Variants in LAMA1 observed in about 807,000 individuals in gnomAD.
LAMA1 encodes laminin subunit alpha 1, also known as laminin subunit alpha-1.
In LAMA1, 219 loss-of-function variants were observed where a neutral mutation model predicts 348.7. The observed-to-expected ratio is 0.63, with a 90% CI of 0.56 to 0.70. LAMA1 has a LOEUF of 0.70. Among genes scored for constraint, LAMA1 ranks in the 30% least tolerant of loss-of-function variants. The pLI is 0.00. For missense variants in LAMA1, 3,744 were observed against 3,888.0 expected, an observed-to-expected ratio of 0.96 and a Z score of 0.99; for synonymous variants, 1,487 against 1,491.0, an observed-to-expected ratio of 1.00 and a Z score of 0.06.
At chr18:7,040,779 G>T (rs2058017040) in intron 9 of LAMA1, among the ~76,000 whole-genome samples, 1 of 152,060 alleles carries the variant, frequency 6.6e-6, no homozygotes, top group African/African-American at 2.4e-5. Context: ...TATGAAACAT[G>T]GTATGTCCAT....
At chr18:7,001,601 C>T (rs1376047457) in intron 30 of LAMA1, among the ~76,000 whole-genome samples, 2 of 152,132 alleles carry the variant, frequency 1.3e-5, no homozygotes, top group South Asian at 2.1e-4. Context: ...AAAAGGAATA[C>T]TTCATTGCAG....
intron 30 of LAMA1, 65 bp from the exon 31 acceptor site, chr18:7,000,062 T>C (rs1301638155): frequency 1.0e-5 from 12 of 1,164,372 alleles, no homozygotes; most frequent in East Asian, 7.3e-5. Context: ...TTAAGGTACT[T>C]ATTCATTACT....
chr18:7,106,268 T>A (rs867164335), intron 1 of LAMA1, among the ~76,000 whole-genome samples: 1 of 152,256 alleles, frequency 6.6e-6, no homozygotes, highest in Non-Finnish European at 1.5e-5. Context: ...CCTGCCTCCT[T>A]GCATTGCTGT....
chr18:6,997,769 G>C lies in LAMA1; in HGVS notation c.4779C>G (p.Asn1593Lys). 1.2e-6 allele frequency: 2 copies of C among 1,613,994 alleles called. No individual in the cohort carries two copies. The highest frequency in any genetic ancestry group is 1.7e-6 in the Non-Finnish European group (2 of 1,179,912). Residue 1593 changes from asparagine to lysine, a missense_variant, in exon 33 of 63, where the codon AAC (asparagine) becomes AAG (lysine). Asn to Lys is a moderately conservative substitution (Grantham distance 94). Coordinates refer to ENST00000389658, the MANE Select transcript of LAMA1 (RefSeq NM_005559.4). ...GGAGATATTTAGTTGTATTTTCCAG[G>C]TTTGACAAAATTCCATATGGGACAG... is the stretch of plus-strand genomic sequence containing the variant. Reference protein sequence around the residue: ...IIPVPYGILSNLENTTKYLQE... With the variant: ...IIPVPYGILSKLENTTKYLQE...
At chr18:6,995,237 G>C (rs949339978) in intron 34 of LAMA1, 120 bp downstream of exon 34, 6 of 764,058 alleles carry the variant, frequency 7.9e-6, no homozygotes, top group African/African-American at 6.8e-5. Flanking sequence ...AGCACAGCTC[G>C]TGGGAGGAAG....
chr18:7,007,043 T>C (rs1055846284), intron 29 of LAMA1, 96 bp downstream of exon 29: 38 of 1,538,924 alleles, frequency 2.5e-5, no homozygotes, highest in Non-Finnish European at 3.3e-5. Context: ...AACCTCTCAC[T>C]AAACCAAGGC....
chr18:6,961,996 G>T lies in LAMA1; in HGVS notation c.7401C>A (p.Thr2467=), dbSNP rs1430997554. The stretch of plus-strand genomic sequence containing the variant: ...CATAGGAATTTCTGAGTAAGTCAAA[G>T]GTTGATCTGGATATTTCCAGGTTCT... ...CIKNLEISRS[T]FDLLRNSYGV... The change falls in exon 52 of 63, where the codon ACC becomes ACA. Residue 2467 remains threonine (T), a synonymous_variant. Coordinates refer to ENST00000389658, the MANE Select transcript of LAMA1 (RefSeq NM_005559.4). 6.2e-7 allele frequency: 1 copy of T among 1,614,218 alleles called. No homozygotes were observed. The highest frequency in any genetic ancestry group is 8.5e-7 in the Non-Finnish European group (1 of 1,180,042).
At chr18:6,956,505 ACAGCTCCAGCTC>A (rs11270496) in intron 56 of LAMA1, 119 bp downstream of exon 56, 352,283 of 1,466,626 alleles carry the variant, frequency 0.24, 44,526 homozygotes, top group African/African-American at 0.37. Flanking sequence ...GATTTTTAGC[ACAGCTCCAGCTC>A]CAGCTCCAGC....
At chr18:7,067,537 T>C (rs2058127572) in intron 3 of LAMA1, among the ~76,000 whole-genome samples, 1 of 151,702 alleles carries the variant, frequency 6.6e-6, no homozygotes, top group Non-Finnish European at 1.5e-5. Context: ...AAGTGGGGAA[T>C]TGGCTGGGAA....
chr18:6,956,885 G>A, intron 55 of LAMA1, 120 bp from the exon 56 acceptor site: 1 of 1,130,698 alleles, frequency 8.8e-7, no homozygotes, highest in African/African-American at 1.5e-5. Flanking sequence ...ATTTCTCTTA[G>A]AGTAACCAAA....
chr18:7,009,421 TA>T, intron 26 of LAMA1, 55 bp from the exon 27 acceptor site: 1 of 1,574,018 alleles, frequency 6.4e-7, no homozygotes, highest in Non-Finnish European at 8.7e-7. Flanking sequence ...CTGACAGGCA[TA>T]AAACTTATAA....
In LAMA1 at chr18:6,997,799, A is replaced by G; in HGVS notation, c.4749T>C (p.Ile1583=). 6.2e-7 allele frequency: 1 copy of G among 1,614,018 alleles called. No individual in the cohort carries two copies. Among genetic ancestry groups the G allele is most frequent in the Non-Finnish European group, 8.5e-7 (1 of 1,179,866 alleles). Reference sequence around the variant, plus strand: ...ACAAAATTCCATATGGGACAGGGATAATGCCAGTGAGGTTCAGAGAAAGAA... The same window carrying G: ...ACAAAATTCCATATGGGACAGGGATGATGCCAGTGAGGTTCAGAGAAAGAA... ...DAVLSLNLTG[I]IPVPYGILSN... is the part of the protein sequence containing the mutation. Residue 1583 remains isoleucine, a synonymous_variant, in exon 33 of 63, where the codon ATT becomes ATC. Coordinates refer to ENST00000389658, the MANE Select transcript of LAMA1 (RefSeq NM_005559.4).
rs753547713 is a variant in LAMA1 at position 6,942,076 on chromosome 18, A to G, written c.*3T>C. The G allele has an allele frequency of 1.2e-6, 2 of 1,614,026 alleles. No individual in the cohort carries two copies. The highest frequency in any genetic ancestry group is 1.7e-6 in the Non-Finnish European group (2 of 1,180,022). On this transcript the variant is annotated 3_prime_UTR_variant, in exon 63 of 63. Coordinates refer to ENST00000389658, the MANE Select transcript of LAMA1 (RefSeq NM_005559.4). ...GATTCCAACTGAGGATTCTGCTTGA[A>G]GTTCAGGACTCGGTCCCAGGACAGG... is the stretch of plus-strand genomic sequence containing the variant.
Position 6,949,050 on chromosome 18 carries a change from T to C in LAMA1, c.8556+51A>G, listed in dbSNP as rs1321195223. ...CCGTGAGGTATGCTCTTCTACAAAA[T>C]AAACACGAACACAACGAAGGTAAAA... On this transcript the variant is annotated intron_variant, in intron 59 of 62. Transcript: ENST00000389658. 2.5e-6 allele frequency: 4 copies of C among 1,610,244 alleles called. No homozygotes were observed. In the Admixed American group the frequency reaches 5.0e-5, roughly 20 times the overall value.
chr18:7,103,449 C>T (rs1386368358), intron 1 of LAMA1, among the ~76,000 whole-genome samples: 1 of 151,458 alleles, frequency 6.6e-6, no homozygotes, highest in Non-Finnish European at 1.5e-5. Flanking sequence ...GGCCTTGGTT[C>T]CAAAAGTTCT....
intron 45 of LAMA1, 89 bp from the exon 46 acceptor site, chr18:6,975,125 G>GT: frequency 7.0e-7 from 1 of 1,431,916 alleles, no homozygotes; most frequent in Non-Finnish European, 9.4e-7. Context: ...TTCTTACGGG[G>GT]TTTTCTCTTT....
intron 1 of LAMA1, among the ~76,000 whole-genome samples, chr18:7,091,926 A>T (rs183558108): frequency 6.6e-6 from 1 of 152,244 alleles, no homozygotes; most frequent in African/African-American, 2.4e-5. Context: ...GAAGACCCCA[A>T]GGTGGCTGGA....
chr18:6,962,074 A>G lies in LAMA1; in HGVS notation c.7338-15T>C, dbSNP rs369659836. On this transcript the variant is annotated splice_polypyrimidine_tract_variant and intron_variant, in intron 51 of 62. Transcript: ENST00000389658. ...TGACACCTCTCCTGTAGGGAAGGGC[A>G]TGAGAACAATCACAAAATTTGGGTT... 4.8e-5 allele frequency: 75 copies of G among 1,578,090 alleles called. No individual in the cohort carries two copies. The African/African-American group carries it at 9.0e-4, about 19-fold the overall frequency.
In LAMA1 at chr18:6,978,322, C is replaced by T. The variant is rs140764072; in HGVS notation, c.6064G>A (p.Ala2022Thr). ...KELATSASQSAVSTLRDVAGL... is the reference protein window; with the variant it reads ...KELATSASQSTVSTLRDVAGL... ...GCCACGTCCCTCAGCGTGCTCACCG[C>T]GCTCTGGCTTGCAGACGTGGCCAGC... Residue 2022 changes from alanine (A) to threonine (T), a missense_variant, in exon 43 of 63, where the codon GCG becomes ACG. Physicochemically the swap from Ala to Thr is moderately conservative, Grantham distance 58. Transcript: ENST00000389658. 1.1e-3 allele frequency: 1,736 copies of T among 1,614,214 alleles called. 2 individuals carry two copies. Among genetic ancestry groups the T allele is most frequent in the Middle Eastern group, 2.3e-3 (14 of 6,062 alleles).
Sources: allele counts gnomAD v4.1 joint callset (sites outside exome capture counted in the v4.1 genomes callset), GRCh38; gene constraint gnomAD v4.1.1; transcripts MANE v1.5; gene names NCBI Gene and HGNC (gene_info 2026-07-23, HGNC 2026-07-21).